Variants in RAB6B observed in about 807,000 individuals in gnomAD.
RAB6B encodes RAB6B, member RAS oncogene family.
RAB6B carries 7 observed loss-of-function variants against 31.2 expected under a neutral mutation model. That is an observed-to-expected ratio of 0.22 (90% CI 0.13 to 0.42). RAB6B has a LOEUF of 0.42. Among genes scored for constraint, RAB6B ranks in the 10% least tolerant of loss-of-function variants. RAB6B has a pLI of 1.00. For missense variants in RAB6B, 149 were observed against 280.6 expected (o/e 0.53, Z 3.35); for synonymous variants, 105 against 104.9 (o/e 1.00, Z -0.01).
intron 2 of RAB6B, among the ~76,000 whole-genome samples, chr3:133,860,758 C>T (rs992534915): frequency 6.6e-6 from 1 of 152,208 alleles, no homozygotes; most frequent in Non-Finnish European, 1.5e-5. Flanking sequence ...AGAGTGTGTC[C>T]TCCTGAGAGC....
chr3:133,895,087 C>T (rs1431163268), intron 1 of RAB6B, among the ~76,000 whole-genome samples: 1 of 152,180 alleles, frequency 6.6e-6, no homozygotes, highest in South Asian at 2.1e-4. Flanking sequence ...GGTTCCTTCA[C>T]GCCCTGGCCA....
intron 5 of RAB6B, 90 bp downstream of exon 5, chr3:133,839,416 C>T: frequency 8.7e-7 from 1 of 1,143,942 alleles, no homozygotes. Context: ...AGCACAGACA[C>T]ACCACCCATG....
At chr3:133,881,211 G>A (rs1344925852) in intron 1 of RAB6B, among the ~76,000 whole-genome samples, 2 of 152,214 alleles carry the variant, frequency 1.3e-5, no homozygotes, top group African/African-American at 4.8e-5. Context: ...GGGTCCCTAA[G>A]GTTAGCCCTT....
In RAB6B at chr3:133,895,606, C is replaced by G. The variant is rs1936699075; in HGVS notation, c.-140G>C. 1 of 764,640 alleles carries G rather than the reference C, an allele frequency of 1.3e-6. No individual in the cohort carries two copies. The highest frequency in any genetic ancestry group is 2.1e-6 in the Non-Finnish European group (1 of 468,688). The allele number at this position is 764,640 out of a possible 1,614,324, so 47.4% of individuals were successfully genotyped here. ...GCTGGCTGCGCGCGTCCCTGACTCC[C>G]CAGCTGCGTCCCGGTCCCGGCCTGC... On this transcript the variant is annotated 5_prime_UTR_variant, in exon 1 of 8. Coordinates refer to ENST00000285208, the MANE Select transcript of RAB6B (RefSeq NM_016577.4).
intron 2 of RAB6B, among the ~76,000 whole-genome samples, chr3:133,851,919 C>T (rs1458539382): frequency 6.6e-6 from 1 of 152,202 alleles, no homozygotes; most frequent in African/African-American, 2.4e-5. Context: ...GCCCAAGGTG[C>T]TGCTTCTCTG....
rs1935556967 is a variant in RAB6B, at chr3:133,826,045, A to G, written c.*2743T>C. ...GGGACAGGGATGGTGCCTGCTCAAG[A>G]CAAAAATCAGGGAACCAACAACTTC... On this transcript the variant is annotated 3_prime_UTR_variant, in exon 8 of 8. Transcript: ENST00000285208. 1 of 152,268 alleles carries G rather than the reference A, an allele frequency of 6.6e-6. No individual in the cohort carries two copies. Among genetic ancestry groups the G allele is most frequent in the Non-Finnish European group, 1.5e-5 (1 of 68,082 alleles). 9.4% of individuals were successfully genotyped at this position (152,268 alleles called of 1,614,324 possible). A position where few individuals can be genotyped will look rare whatever the true frequency, so the allele number is the denominator to read the frequency against.
intron 1 of RAB6B, among the ~76,000 whole-genome samples, chr3:133,881,875 C>T (rs1405685551): frequency 6.6e-6 from 1 of 152,236 alleles, no homozygotes; most frequent in Non-Finnish European, 1.5e-5. Flanking sequence ...TTCACCCTAT[C>T]TGTATTAGTT....
intron 4 of RAB6B, 122 bp from the exon 5 acceptor site, chr3:133,839,739 G>A: frequency 1.3e-6 from 1 of 752,898 alleles, no homozygotes; most frequent in African/African-American, 1.7e-5. Flanking sequence ...TACCCAGGGA[G>A]GGGTGTGAGC....
chr3:133,846,319 C>T (rs868198477), intron 2 of RAB6B, among the ~76,000 whole-genome samples: 24 of 152,130 alleles, frequency 1.6e-4, no homozygotes, highest in African/African-American at 5.6e-4. Context: ...TCTTGGCGGA[C>T]GCCTGTAATC....
rs376199695 is a variant in RAB6B at position 133,831,491 on chromosome 3, T to C, written c.563-2639A>G. ...ACTAATTTAAGTCGGAACACCCACATGTGGCTGCAGAATTGGAGAGCACAG... is the reference window on the plus strand; with the variant it reads ...ACTAATTTAAGTCGGAACACCCACACGTGGCTGCAGAATTGGAGAGCACAG... On this transcript the variant is annotated intron_variant, in intron 7 of 7. Coordinates refer to ENST00000285208, the MANE Select transcript of RAB6B (RefSeq NM_016577.4). Among the ~76,000 whole-genome samples, 20 of 152,308 alleles carry C rather than the reference T, an allele frequency of 1.3e-4. 1 individual carries two copies. Among genetic ancestry groups the C allele is most frequent in the East Asian group, 3.9e-4 (2 of 5,184 alleles).
At chr3:133,832,948 C>A (rs1037288081) in intron 7 of RAB6B, among the ~76,000 whole-genome samples, 7 of 152,212 alleles carry the variant, frequency 4.6e-5, no homozygotes, top group Non-Finnish European at 1.5e-5. Flanking sequence ...GTGGGCCCAG[C>A]CTGGAGCCCT....
chr3:133,842,845 G>T (rs1559902133), intron 2 of RAB6B, among the ~76,000 whole-genome samples: 1 of 152,136 alleles, frequency 6.6e-6, no homozygotes, highest in Non-Finnish European at 1.5e-5. Flanking sequence ...TTTCCACAAT[G>T]AACATATAAC....
intron 3 of RAB6B, 35 bp downstream of exon 3, chr3:133,841,575 C>T: frequency 3.7e-6 from 6 of 1,610,630 alleles, no homozygotes; most frequent in South Asian, 1.1e-5. Flanking sequence ...AAGGAACCCT[C>T]CCTGCCCCTC....
intron 2 of RAB6B, among the ~76,000 whole-genome samples, chr3:133,857,085 T>C (rs1156271549): frequency 6.6e-6 from 1 of 152,228 alleles, no homozygotes; most frequent in African/African-American, 2.4e-5. Flanking sequence ...GTCGGGACAC[T>C]GTGGAAAGTT....
At chr3:133,886,542 G>C (rs1256535205) in intron 1 of RAB6B, among the ~76,000 whole-genome samples, 1 of 152,178 alleles carries the variant, frequency 6.6e-6, no homozygotes, top group Non-Finnish European at 1.5e-5. Flanking sequence ...CTTTTTGCCA[G>C]CCTGTCTCTG....
intron 2 of RAB6B, among the ~76,000 whole-genome samples, chr3:133,858,812 G>A (rs192396909): frequency 1.2e-4 from 18 of 152,208 alleles, no homozygotes; most frequent in African/African-American, 4.3e-4. Context: ...CCACTCACAG[G>A]CCCCACTACT....
intron 1 of RAB6B, among the ~76,000 whole-genome samples, chr3:133,867,695 C>T (rs139396870): frequency 6.6e-6 from 1 of 152,230 alleles, no homozygotes; most frequent in Non-Finnish European, 1.5e-5. Context: ...GGGGCTTGAT[C>T]CAATCTGAAA....
intron 1 of RAB6B, among the ~76,000 whole-genome samples, chr3:133,868,799 A>G (rs936205466): frequency 6.6e-6 from 1 of 152,036 alleles, no homozygotes; most frequent in Non-Finnish European, 1.5e-5. Flanking sequence ...GGAAACTCAA[A>G]CTCTTACTGG....
chr3:133,833,716 G>A (rs552211191), intron 7 of RAB6B, among the ~76,000 whole-genome samples: 4 of 152,224 alleles, frequency 2.6e-5, no homozygotes, highest in African/African-American at 9.6e-5. Context: ...GATCAGTGGG[G>A]GATGTTGGAG....
Sources: allele counts gnomAD v4.1 joint callset (sites outside exome capture counted in the v4.1 genomes callset), GRCh38; gene constraint gnomAD v4.1.1; transcripts MANE v1.5; gene names NCBI Gene and HGNC (gene_info 2026-07-23, HGNC 2026-07-21).